DPH6: variants seen among roughly 807,000 people sequenced by gnomAD.
DPH6 encodes the protein diphthamine biosynthesis 6, also known as diphthine--ammonia ligase.
DPH6 carries 33 observed loss-of-function variants against 38.2 expected under a neutral mutation model. The observed-to-expected ratio is 0.86, with a 90% confidence interval of 0.65 to 1.15. The LOEUF is 1.15. Ranked by LOEUF, DPH6 falls within the 50% of genes most tolerant of loss-of-function variation. DPH6 has a pLI of 0.00. For synonymous variants in DPH6, 108 were observed against 103.0 expected, an observed-to-expected ratio of 1.05 and a Z score of -0.30; for missense variants, 325 against 320.0, an observed-to-expected ratio of 1.02 and a Z score of -0.12.
intron 3 of DPH6, among the ~76,000 whole-genome samples, chr15:35,496,541 C>T (rs142271799): frequency 3.9e-3 from 135 of 35,038 alleles, no homozygotes; most frequent in African/African-American, 0.015. Flanking sequence ...GGCAACAAGA[C>T]GAAAGTTCCA....
chr15:35,180,468 CTAAT>C, the DPH6 span, among the ~76,000 whole-genome samples: 31 of 149,382 alleles, frequency 2.1e-4, no homozygotes, highest in Admixed American at 2.0e-3. Context: ...TCCACAATGC[CTAAT>C]TAATTAAAAG....
chr15:35,514,369 C>T (rs117823246), intron 3 of DPH6, among the ~76,000 whole-genome samples: 1 of 152,024 alleles, frequency 6.6e-6, no homozygotes, highest in African/African-American at 2.4e-5. Flanking sequence ...GAAAACAAGT[C>T]CCTTGATATT....
chr15:35,223,199 T>C (rs905445543), intron 3 of DPH6, among the ~76,000 whole-genome samples: 3 of 152,158 alleles, frequency 2.0e-5, no homozygotes, highest in Admixed American at 6.5e-5. Flanking sequence ...AAAGGCCTTC[T>C]TGCTGCATCA....
chr15:35,227,785 C>T (rs558717279), intron 3 of DPH6, among the ~76,000 whole-genome samples: 2 of 151,718 alleles, frequency 1.3e-5, no homozygotes, highest in Non-Finnish European at 2.9e-5. Context: ...CTCTTAGTAC[C>T]ATTTTTGCTG....
At chr15:35,507,713 T>C (rs1213520248) in intron 3 of DPH6, among the ~76,000 whole-genome samples, 2 of 152,114 alleles carry the variant, frequency 1.3e-5, no homozygotes, top group African/African-American at 2.4e-5. Flanking sequence ...TAGTAAATCA[T>C]TAATTAGAAA....
intron 3 of DPH6, among the ~76,000 whole-genome samples, chr15:35,346,475 T>C (rs1440937178): frequency 1.3e-5 from 2 of 152,112 alleles, no homozygotes; most frequent in African/African-American, 2.4e-5. Flanking sequence ...TTACTTGATG[T>C]CTTTAATATT....
intron 7 of DPH6, among the ~76,000 whole-genome samples, chr15:35,379,923 G>A (rs923710329): frequency 9.9e-5 from 15 of 152,040 alleles, no homozygotes; most frequent in Admixed American, 7.9e-4. Flanking sequence ...TAGCAAAGTG[G>A]TCAGAAATGA....
downstream of DPH6, among the ~76,000 whole-genome samples, chr15:35,213,908 C>T (rs542479514): frequency 7.2e-5 from 11 of 152,126 alleles, no homozygotes; most frequent in Non-Finnish European, 7.4e-5. Context: ...GTCAGGAGAT[C>T]GAGACCATCC....
the DPH6 span, among the ~76,000 whole-genome samples, chr15:35,175,296 C>G: frequency 6.6e-6 from 1 of 152,302 alleles, no homozygotes; most frequent in South Asian, 2.1e-4. Flanking sequence ...TCCACTCACT[C>G]TCGACTTTGA....
chr15:35,228,608 G>C (rs2051498036), intron 3 of DPH6, among the ~76,000 whole-genome samples: 1 of 152,046 alleles, frequency 6.6e-6, no homozygotes, highest in Non-Finnish European at 1.5e-5. Flanking sequence ...TTGTATTTTT[G>C]TAGAGACGGG....
chr15:35,454,855 T>C (rs371346526), intron 3 of DPH6, 35 bp from the exon 4 acceptor site: 8 of 1,515,924 alleles, frequency 5.3e-6, no homozygotes, highest in Non-Finnish European at 7.2e-6. Context: ...ACTTTAAAAA[T>C]AAAGTAACAA....
chr15:35,260,651 A>G (rs1405339010), intron 3 of DPH6, among the ~76,000 whole-genome samples: 1 of 152,008 alleles, frequency 6.6e-6, no homozygotes, highest in Non-Finnish European at 1.5e-5. Flanking sequence ...TCATTTCAGC[A>G]CTATTAAAAT....
chr15:35,530,201 A>T (rs1420530205), intron 3 of DPH6, among the ~76,000 whole-genome samples: 1 of 152,198 alleles, frequency 6.6e-6, no homozygotes, highest in Non-Finnish European at 1.5e-5. Context: ...GAAATGAAGT[A>T]GAAGACTATA....
At chr15:35,401,761 G>T in intron 6 of DPH6, 1 of 679,826 alleles carries the variant, frequency 1.5e-6, no homozygotes, top group Non-Finnish European at 2.7e-6. Context: ...AGTGGCAGAA[G>T]ATTTTAATTA....
chr15:35,357,182 A>G (rs1484935545), intron 3 of DPH6, among the ~76,000 whole-genome samples: 1 of 152,220 alleles, frequency 6.6e-6, no homozygotes, highest in Non-Finnish European at 1.5e-5. Flanking sequence ...CCCGTCTATC[A>G]CCGCTTTCTT....
intron 3 of DPH6, among the ~76,000 whole-genome samples, chr15:35,512,735 G>T (rs2054792576): frequency 6.6e-6 from 1 of 151,916 alleles, no homozygotes; most frequent in African/African-American, 2.4e-5. Flanking sequence ...ATTAAAAAAA[G>T]ACTTTGAATT....
At chr15:35,335,198 C>T (rs1321834069) in intron 3 of DPH6, among the ~76,000 whole-genome samples, 4 of 152,006 alleles carry the variant, frequency 2.6e-5, no homozygotes, top group Non-Finnish European at 5.9e-5. Flanking sequence ...GCATGTATGC[C>T]TTCTTTTGGT....
rs552145634 is a variant in DPH6, at chr15:35,538,074, C to T, written c.312+200G>A. On this transcript the variant is annotated intron_variant, in intron 3 of 8. Transcript: ENST00000256538. ...ATCCTGGATGCCAAACTATACAAAA[C>T]GTCTTATTTTTAAATATCATTTAAT... 3.2e-5 allele frequency: 12 copies of T among 377,502 alleles called. No individual in the cohort carries two copies. In the East Asian group the frequency reaches 4.0e-4, roughly 13 times the overall value. 23.4% of individuals were successfully genotyped at this position (377,502 alleles called of 1,614,324 possible).
intron 3 of DPH6, among the ~76,000 whole-genome samples, chr15:35,253,743 C>T (rs895957795): frequency 6.6e-6 from 1 of 152,176 alleles, no homozygotes; most frequent in Non-Finnish European, 1.5e-5. Flanking sequence ...GCCCTCTTTG[C>T]TTTGAAACTA....
Sources: gnomAD v4.1 joint callset for allele counts (sites outside exome capture counted in the v4.1 genomes callset) on GRCh38, gnomAD v4.1.1 for gene constraint, MANE v1.5 for transcripts, NCBI Gene and HGNC (gene_info 2026-07-23, HGNC 2026-07-21) for gene names.